MARCHF8: variants seen among roughly 807,000 people sequenced by gnomAD.
MARCHF8 encodes the protein membrane associated ring-CH-type finger 8, also known as E3 ubiquitin-protein ligase MARCHF8.
A neutral mutation model predicts 51.6 loss-of-function variants in MARCHF8; 40 were observed. The observed-to-expected ratio is 0.77, with a 90% confidence interval of 0.60 to 1.01. The LOEUF (loss-of-function observed/expected upper bound fraction) is 1.01. Ranked by LOEUF, MARCHF8 falls within the 50% of genes least tolerant of loss-of-function variation. The pLI, the probability that MARCHF8 is intolerant of heterozygous loss-of-function variation, is 0.00. For missense variants in MARCHF8, 685 were observed against 708.6 expected, an observed-to-expected ratio of 0.97 and a Z score of 0.38; for synonymous variants, 263 against 280.3, an observed-to-expected ratio of 0.94 and a Z score of 0.62.
intron 1 of MARCHF8, among the ~76,000 whole-genome samples, chr10:45,546,829 A>C (rs1409298036): frequency 6.6e-6 from 1 of 152,078 alleles, no homozygotes; most frequent in Non-Finnish European, 1.5e-5. Context: ...TGCAATTACC[A>C]ATAGTGAAGA....
At chr10:45,551,584 C>T (rs936444628) in intron 1 of MARCHF8, among the ~76,000 whole-genome samples, 8 of 152,042 alleles carry the variant, frequency 5.3e-5, no homozygotes, top group Middle Eastern at 3.4e-3. Flanking sequence ...CCATAATGTG[C>T]GTGGGCCTCA....
chr10:45,468,671 TTACAG>T (rs543368486), intron 3 of MARCHF8, among the ~76,000 whole-genome samples: 10 of 152,092 alleles, frequency 6.6e-5, no homozygotes, highest in Non-Finnish European at 1.3e-4. Flanking sequence ...TCATCACAAA[TTACAG>T]TACTGCAAAT....
At position 45,463,739 on chromosome 10, in the gene MARCHF8, T is replaced by C. The variant is rs1179813763; in HGVS notation, c.500A>G (p.Asp167Gly). 3 of 1,551,244 alleles carry C rather than the reference T, an allele frequency of 1.9e-6. No individual in the cohort carries two copies. The South Asian group carries it at 3.6e-5, about 18-fold the overall frequency. ...SLNDVGEKAQ[D>G]TSESFAYVER... ...CACATAGGCAAAACTTTCTGAAGTA[T>C]CCTGCGCCTTCTCACCCACATCATT... Residue 167 changes from aspartate (D) to glycine (G), a missense_variant, in exon 5 of 8, where the codon GAT (aspartate) becomes GGT (glycine). By Grantham distance (94) the Asp-to-Gly change is moderately conservative. Coordinates refer to ENST00000453424, the MANE Select transcript of MARCHF8 (RefSeq NM_001282866.2).
At chr10:45,536,382 A>G (rs1334798393), upstream of MARCHF8, among the ~76,000 whole-genome samples, 1 of 152,066 alleles carries the variant, frequency 6.6e-6, no homozygotes, top group African/African-American at 2.4e-5. Context: ...TCCTCACACA[A>G]AAGGAAAAAC....
At chr10:45,572,900 C>T (rs79747178) in intron 1 of MARCHF8, among the ~76,000 whole-genome samples, 9,718 of 152,042 alleles carry the variant, frequency 0.064, 731 homozygotes, top group East Asian at 0.45. Flanking sequence ...TCAGCCTCCG[C>T]CCCGCCACCC....
At chr10:45,544,450 C>T (rs2133318008) in intron 1 of MARCHF8, among the ~76,000 whole-genome samples, 1 of 152,154 alleles carries the variant, frequency 6.6e-6, no homozygotes, top group South Asian at 2.1e-4. Context: ...CTCATAATAG[C>T]CCAAAACTGG....
intron 3 of MARCHF8, among the ~76,000 whole-genome samples, chr10:45,485,208 C>T (rs931507419): frequency 2.0e-4 from 30 of 152,132 alleles, no homozygotes; most frequent in African/African-American, 7.2e-4. Context: ...CATGGCTCTA[C>T]ACTCATGAAG....
intron 1 of MARCHF8, among the ~76,000 whole-genome samples, chr10:45,564,758 C>T (rs1376269879): frequency 6.0e-5 from 9 of 149,560 alleles, no homozygotes; most frequent in South Asian, 2.1e-4. Flanking sequence ...ACAACAACGA[C>T]GACAATAACA....
At chr10:45,579,612 A>G (rs557432112) in intron 1 of MARCHF8, among the ~76,000 whole-genome samples, 10 of 152,316 alleles carry the variant, frequency 6.6e-5, no homozygotes, top group African/African-American at 2.4e-4. Flanking sequence ...GAAAACATCA[A>G]CATTGGCAAG....
chr10:45,516,213 T>C lies in MARCHF8; in HGVS notation c.102+16897A>G, dbSNP rs114900070. Among the ~76,000 whole-genome samples, 399 of 152,342 alleles carry C rather than the reference T, an allele frequency of 2.6e-3. 1 individual carries two copies. Among genetic ancestry groups the C allele is most frequent in the African/African-American group, 8.2e-3 (341 of 41,586 alleles). ...CTAACTCCCAGTTTCCTGATGAAGA[T>C]AATCAGTTCTAAGGTTGATCACTAT... is the stretch of plus-strand genomic sequence containing the variant. On this transcript the variant is annotated intron_variant, in intron 2 of 7. Transcript: ENST00000453424.
intron 1 of MARCHF8, among the ~76,000 whole-genome samples, chr10:45,569,885 T>C (rs2044409275): frequency 6.6e-6 from 1 of 152,114 alleles, no homozygotes; most frequent in Non-Finnish European, 1.5e-5. Context: ...CCCAATTATG[T>C]CTACAAGAGA....
At chr10:45,546,041 A>C (rs193187658) in intron 1 of MARCHF8, among the ~76,000 whole-genome samples, 1 of 152,332 alleles carries the variant, frequency 6.6e-6, no homozygotes, top group East Asian at 1.9e-4. Context: ...CCACTAAAAA[A>C]CAGTCTGATG....
upstream of MARCHF8, among the ~76,000 whole-genome samples, chr10:45,537,874 A>G (rs1171747544): frequency 1.3e-5 from 2 of 152,176 alleles, no homozygotes; most frequent in East Asian, 3.8e-4. Flanking sequence ...TCTAAAATTG[A>G]CTATGGTGCT....
At chr10:45,479,345 A>G (rs2042844093) in intron 3 of MARCHF8, among the ~76,000 whole-genome samples, 1 of 152,260 alleles carries the variant, frequency 6.6e-6, no homozygotes, top group South Asian at 2.1e-4. Context: ...AAATACTGCA[A>G]TATTAATAAA....
intron 1 of MARCHF8, among the ~76,000 whole-genome samples, chr10:45,574,048 C>A (rs944280666): frequency 2.0e-5 from 3 of 151,726 alleles, no homozygotes; most frequent in Admixed American, 2.0e-4. Context: ...TCCCCCAGTT[C>A]AAAGCCTCCT....
rs3764990 is a variant in MARCHF8, at chr10:45,461,380, G to A, written c.1120C>T (p.Pro374Ser). 0.062 allele frequency: 98,801 copies of A among 1,592,906 alleles called. 3,422 individuals carry two copies. Among genetic ancestry groups the A allele is most frequent in the East Asian group, 0.082 (3,547 of 43,230 alleles). Residue 374 changes from proline (P) to serine (S), a missense_variant, in exon 6 of 8, where the codon CCC (proline) becomes TCC (serine). Physicochemically the swap from Pro to Ser is moderately conservative, Grantham distance 74. Coordinates refer to ENST00000453424, the MANE Select transcript of MARCHF8 (RefSeq NM_001282866.2). ...ICHCEGDDESPLITPCHCTGS... is the reference protein window; with the variant it reads ...ICHCEGDDESSLITPCHCTGS... Reference sequence around the variant, plus strand: ...GTGCAGTGGCAGGGGGTGATCAGGGGGCTCTCATCATCTCCTTCACAGTGG... The same window carrying A: ...GTGCAGTGGCAGGGGGTGATCAGGGAGCTCTCATCATCTCCTTCACAGTGG...
chr10:45,463,921 G>A lies in MARCHF8; in HGVS notation c.318C>T (p.Cys106=). ...QSAVVSKAPH[C]QSSLTQGLTV... is the part of the protein sequence containing the mutation. ...TGAGCCCTTGTGTCAGAGAACTCTG[G>A]CAGTGAGGAGCTTTCGAGACAACAG... is the stretch of plus-strand genomic sequence containing the variant. Residue 106 remains cysteine, a synonymous_variant, in exon 5 of 8, where the codon TGC becomes TGT. Transcript: ENST00000453424. 1 of 1,536,330 alleles carries A rather than the reference G, an allele frequency of 6.5e-7. No homozygotes were observed. Among genetic ancestry groups the A allele is most frequent in the South Asian group, 1.2e-5 (1 of 84,064 alleles).
At chr10:45,478,424 C>G (rs1413710083) in intron 3 of MARCHF8, among the ~76,000 whole-genome samples, 4 of 151,960 alleles carry the variant, frequency 2.6e-5, no homozygotes, top group Non-Finnish European at 5.9e-5. Flanking sequence ...CAATAAACAC[C>G]TACATCAAAA....
chr10:45,538,224 G>C (rs561611696), upstream of MARCHF8, among the ~76,000 whole-genome samples: 2,974 of 152,224 alleles, frequency 0.02, 82 homozygotes, highest in African/African-American at 0.066. Flanking sequence ...ACTAAGCTTT[G>C]TAAGTGAAGG....
Sources: allele counts gnomAD v4.1 joint callset (sites outside exome capture counted in the v4.1 genomes callset), GRCh38; gene constraint gnomAD v4.1.1; transcripts MANE v1.5; gene names NCBI Gene and HGNC (gene_info 2026-07-23, HGNC 2026-07-21).